LIN28B: variants seen among roughly 807,000 people sequenced by gnomAD.
LIN28B encodes the protein protein lin-28 homolog B.
LIN28B carries 5 observed loss-of-function variants against 21.9 expected under a neutral mutation model. That is an observed-to-expected ratio of 0.23 (90% CI 0.12 to 0.48). The LOEUF (loss-of-function observed/expected upper bound fraction) is 0.48. LIN28B is among the 20% of genes least tolerant of loss of function. The probability of loss-of-function intolerance (pLI) is 0.98; values close to 1 mark genes in which losing one functional copy is unlikely to be tolerated. For missense variants in LIN28B, 245 were observed against 310.5 expected (o/e 0.79, Z 1.58); for synonymous variants, 109 against 111.3 (o/e 0.98, Z 0.13).
chr6:104,953,771 G>A (rs1426770229), upstream of LIN28B, among the ~76,000 whole-genome samples: 4 of 152,194 alleles, frequency 2.6e-5, no homozygotes, highest in Non-Finnish European at 5.9e-5. Flanking sequence ...CGATGGCAGC[G>A]CTGGGCTACA....
At chr6:104,952,519 T>C (rs1318256048), upstream of LIN28B, among the ~76,000 whole-genome samples, 2 of 152,218 alleles carry the variant, frequency 1.3e-5, no homozygotes, top group African/African-American at 4.8e-5. Context: ...AAAGATACTT[T>C]CTACAGCTAT....
At chr6:105,071,435 T>C (rs1485655385) in intron 3 of LIN28B, among the ~76,000 whole-genome samples, 1 of 152,210 alleles carries the variant, frequency 6.6e-6, no homozygotes, top group Admixed American at 6.5e-5. Flanking sequence ...TTAACAAGTT[T>C]ATAGCTTAAC....
At chr6:104,994,010 T>C (rs1482968092) in intron 2 of LIN28B, among the ~76,000 whole-genome samples, 1 of 151,980 alleles carries the variant, frequency 6.6e-6, no homozygotes, top group Non-Finnish European at 1.5e-5. Context: ...TAAAAATATA[T>C]ATATATATTT....
chr6:105,019,637 G>C, intron 2 of LIN28B, among the ~76,000 whole-genome samples: 1 of 152,110 alleles, frequency 6.6e-6, no homozygotes, highest in East Asian at 1.9e-4. Context: ...GAGTTTCTCA[G>C]GGTTCTATTA....
chr6:104,963,325 C>T (rs1217293308), intron 2 of LIN28B, among the ~76,000 whole-genome samples: 1 of 152,120 alleles, frequency 6.6e-6, no homozygotes, highest in African/African-American at 2.4e-5. Context: ...GGATTACAGG[C>T]GTGAGCCACC....
intron 3 of LIN28B, among the ~76,000 whole-genome samples, chr6:105,057,801 C>G (rs1408501001): frequency 1.3e-5 from 2 of 151,438 alleles, no homozygotes; most frequent in African/African-American, 4.9e-5. Context: ...GATTACATTA[C>G]TTTAAGTTTA....
chr6:104,961,687 ACCGCGC>A (rs1302859288), intron 2 of LIN28B, among the ~76,000 whole-genome samples: 2 of 152,186 alleles, frequency 1.3e-5, no homozygotes, highest in Non-Finnish European at 2.9e-5. Flanking sequence ...GGCGTGAGCC[ACCGCGC>A]CCGGCTTTAA....
chr6:104,942,269 T>G (rs1262477240), intron 2 of LIN28B, among the ~76,000 whole-genome samples: 1 of 152,186 alleles, frequency 6.6e-6, no homozygotes, highest in Non-Finnish European at 1.5e-5. Context: ...TTTACAACAT[T>G]GCTGGGAAAA....
At chr6:105,021,518 T>G (rs1430424397) in intron 2 of LIN28B, among the ~76,000 whole-genome samples, 1 of 152,230 alleles carries the variant, frequency 6.6e-6, no homozygotes, top group Non-Finnish European at 1.5e-5. Flanking sequence ...TCCCACATCC[T>G]TGCTAACATC....
intron 2 of LIN28B, among the ~76,000 whole-genome samples, chr6:104,938,889 C>T (rs117561136): frequency 0.059 from 8,897 of 151,364 alleles, 360 homozygotes; most frequent in Middle Eastern, 0.099. Context: ...AGTTTGAAAT[C>T]AAAAAAAAGG....
chr6:105,024,273 T>C (rs529582715), intron 2 of LIN28B, among the ~76,000 whole-genome samples: 1 of 152,156 alleles, frequency 6.6e-6, no homozygotes, highest in Admixed American at 6.5e-5. Context: ...ATTACAGGTG[T>C]GAGCTACCGC....
intron 2 of LIN28B, among the ~76,000 whole-genome samples, chr6:104,976,768 G>A (rs917435868): frequency 6.6e-6 from 1 of 152,214 alleles, no homozygotes; most frequent in African/African-American, 2.4e-5. Context: ...AAAGGCCAAT[G>A]TCTGGTTAGA....
At chr6:104,991,345 C>G (rs1268801677) in intron 2 of LIN28B, among the ~76,000 whole-genome samples, 15 of 150,814 alleles carry the variant, frequency 9.9e-5, no homozygotes, top group African/African-American at 3.4e-4. Context: ...AGTGGGCGGC[C>G]GGGCAGAGAC....
intron 2 of LIN28B, chr6:104,940,065 T>C (rs950236927): frequency 1.3e-5 from 2 of 157,456 alleles, no homozygotes; most frequent in Non-Finnish European, 2.9e-5. Flanking sequence ...ATCATCCAAT[T>C]TGACGTTGAG....
intron 3 of LIN28B, among the ~76,000 whole-genome samples, chr6:105,044,532 T>G (rs1425207107): frequency 6.6e-6 from 1 of 152,190 alleles, no homozygotes; most frequent in Non-Finnish European, 1.5e-5. Flanking sequence ...GAATCTCAGT[T>G]TTACAGTTTG....
intron 3 of LIN28B, among the ~76,000 whole-genome samples, chr6:105,072,830 A>G (rs900388750): frequency 1.2e-4 from 18 of 152,232 alleles, no homozygotes; most frequent in African/African-American, 4.1e-4. Flanking sequence ...CATGTACACT[A>G]TTAAAGAGAC....
At chr6:104,950,596 G>A in intron 3 of LIN28B, 2 of 727,400 alleles carry the variant, frequency 2.7e-6, no homozygotes, top group African/African-American at 1.8e-5. Context: ...GAACCTGACA[G>A]CCCTCAGGAA....
chr6:105,017,090 A>AAAG (rs1771046685), intron 2 of LIN28B, among the ~76,000 whole-genome samples: 2 of 151,642 alleles, frequency 1.3e-5, no homozygotes, highest in Admixed American at 1.3e-4. Flanking sequence ...AAAAAAAAAA[A>AAAG]AAAGAAAGAT....
intron 2 of LIN28B, among the ~76,000 whole-genome samples, chr6:105,018,988 C>T (rs553211720): frequency 3.3e-5 from 5 of 151,666 alleles, no homozygotes; most frequent in Admixed American, 1.3e-4. Flanking sequence ...TCTTGTTGCC[C>T]AGTCTGGAGT....
Sources: allele counts gnomAD v4.1 joint callset (sites outside exome capture counted in the v4.1 genomes callset), GRCh38; gene constraint gnomAD v4.1.1; transcripts MANE v1.5; gene names NCBI Gene and HGNC (gene_info 2026-07-23, HGNC 2026-07-21).